The following WNT2 variants were observed in gnomAD, a reference collection of about 807,000 sequenced individuals.
WNT2 encodes the protein Wnt family member 2, also known as protein Wnt-2.
Under a neutral mutation model 36.9 loss-of-function variants are expected in WNT2, and 12 were observed. The ratio of observed to expected loss-of-function variants is 0.33; its 90% confidence interval spans 0.21 to 0.53. The LOEUF (loss-of-function observed/expected upper bound fraction) is 0.53. WNT2 is among the 20% of genes least tolerant of loss of function. WNT2 has a pLI of 0.95. For missense variants in WNT2, 379 were observed against 473.1 expected (o/e 0.80, Z 1.84); for synonymous variants, 163 against 174.6 (o/e 0.93, Z 0.52).
At chr7:117,280,049 G>A (rs1217868413) in intron 4 of WNT2, among the ~76,000 whole-genome samples, 1 of 152,050 alleles carries the variant, frequency 6.6e-6, no homozygotes, top group Non-Finnish European at 1.5e-5. Context: ...CAGGGCACGG[G>A]GTCAAGAAGA....
In WNT2 at chr7:117,322,772, G is replaced by C; in HGVS notation, c.83+135C>G. ...GGGGCTCACCATGGGGCGATAAGAGGGCAGTAGCCAGGGTTCGGGCCAGAA... is the reference window on the plus strand; with the variant it reads ...GGGGCTCACCATGGGGCGATAAGAGCGCAGTAGCCAGGGTTCGGGCCAGAA... On this transcript the variant is annotated intron_variant, in intron 1 of 4. Coordinates refer to ENST00000265441, the MANE Select transcript of WNT2 (RefSeq NM_003391.3). The surrounding 1 kb of genome is among the most constrained non-coding windows in gnomAD (Gnocchi z 5.4). 1 of 807,628 alleles carries C rather than the reference G, an allele frequency of 1.2e-6. No individual in the cohort carries two copies. Among genetic ancestry groups the C allele is most frequent in the Admixed American group, 2.0e-5 (1 of 49,730 alleles). The allele number at this position is 807,628 out of a possible 1,614,324, so 50.0% of individuals were successfully genotyped here. A position where few individuals can be genotyped will look rare whatever the true frequency, so the allele number is the denominator to read the frequency against.
chr7:117,307,122 T>C (rs960137916), intron 3 of WNT2, among the ~76,000 whole-genome samples: 2 of 152,126 alleles, frequency 1.3e-5, no homozygotes, highest in Non-Finnish European at 2.9e-5. Flanking sequence ...GACGCAGAAG[T>C]CTGTTTAAAA....
intron 4 of WNT2, among the ~76,000 whole-genome samples, chr7:117,286,376 G>T (rs896203632): frequency 1.3e-5 from 2 of 151,896 alleles, no homozygotes; most frequent in African/African-American, 2.4e-5. Context: ...TCTGGGACCC[G>T]GAGGAAGGGG....
intron 3 of WNT2, among the ~76,000 whole-genome samples, chr7:117,313,723 A>G (rs1795164851): frequency 6.6e-6 from 1 of 152,214 alleles, no homozygotes; most frequent in Non-Finnish European, 1.5e-5. Flanking sequence ...GTTAGGACAA[A>G]GGTCAGTGTA....
rs1394062378 is a variant in WNT2, at chr7:117,278,295, TGTC to T, written c.940_942del (p.Asp314del). On this transcript the variant is annotated inframe_deletion, in exon 5 of 5. Coordinates refer to ENST00000265441, the MANE Select transcript of WNT2 (RefSeq NM_003391.3). ...TTGGTCATCCGGGTGACATGGGAGG[TGTC>T]GTAGCCTCTCCCACAGCACATGACT... 1 of 1,614,066 alleles carries T rather than the reference TGTC, an allele frequency of 6.2e-7. No individual in the cohort carries two copies. The highest frequency in any genetic ancestry group is 8.5e-7 in the Non-Finnish European group (1 of 1,180,018).
In WNT2 at chr7:117,277,900, C is replaced by T; in HGVS notation, c.*255G>A. 5 of 517,162 alleles carry T rather than the reference C, an allele frequency of 9.7e-6. No homozygotes were observed. The South Asian group carries it at 1.1e-4, about 12-fold the overall frequency. 32.0% of individuals were successfully genotyped at this position (517,162 alleles called of 1,614,324 possible). A position where few individuals can be genotyped will look rare whatever the true frequency, so the allele number is the denominator to read the frequency against. On this transcript the variant is annotated 3_prime_UTR_variant, in exon 5 of 5. Transcript: ENST00000265441. The stretch of plus-strand genomic sequence containing the variant: ...CCTCCCGGCTGAACAGCCTGTCATG[C>T]TATTTCCAAAGAGAACTCGCCAGGA...
chr7:117,312,463 T>C (rs1367703102), intron 3 of WNT2, among the ~76,000 whole-genome samples: 2 of 152,236 alleles, frequency 1.3e-5, no homozygotes, highest in Non-Finnish European at 2.9e-5. Flanking sequence ...ATGGCAGATA[T>C]TGACCTTTTG....
Position 117,292,293 on chromosome 7 carries a change from TCA to T in WNT2, c.853+5317_853+5318del, listed in dbSNP as rs58179910. On this transcript the variant is annotated intron_variant, in intron 4 of 4. Transcript: ENST00000265441. ...ACACAGGACCTACTCCCAACCACACTCACACACACACACACACACACACACTG... is the reference window on the plus strand; with the variant it reads ...ACACAGGACCTACTCCCAACCACACTCACACACACACACACACACACACTG... Among the ~76,000 whole-genome samples the T allele has an allele frequency of 1.2e-3, 178 of 146,120 alleles. 1 individual carries two copies. The South Asian group carries it at 0.016, about 13-fold the overall frequency.
chr7:117,316,916 G>A (rs1795231420), intron 2 of WNT2, among the ~76,000 whole-genome samples: 1 of 152,130 alleles, frequency 6.6e-6, no homozygotes, highest in Non-Finnish European at 1.5e-5. Context: ...GTAAAAGAAG[G>A]CGACTAATAC....
intron 3 of WNT2, among the ~76,000 whole-genome samples, chr7:117,300,125 T>C (rs1794874552): frequency 6.6e-6 from 1 of 152,184 alleles, no homozygotes; most frequent in Non-Finnish European, 1.5e-5. Context: ...GGGCCAATCC[T>C]ATGATAGGAG....
At chr7:117,295,516 A>G (rs924021269) in intron 4 of WNT2, among the ~76,000 whole-genome samples, 4 of 152,244 alleles carry the variant, frequency 2.6e-5, no homozygotes, top group Non-Finnish European at 5.9e-5. Context: ...TCTATATTTC[A>G]TTGACAATAA....
intron 3 of WNT2, among the ~76,000 whole-genome samples, chr7:117,300,113 T>C (rs112869586): frequency 2.6e-5 from 4 of 152,306 alleles, no homozygotes; most frequent in African/African-American, 9.6e-5. Flanking sequence ...CTGATTCAGT[T>C]TGGGCCAATC....
At chr7:117,320,441 C>T (rs1179124374) in intron 2 of WNT2, 126 bp downstream of exon 2, 5 of 925,146 alleles carry the variant, frequency 5.4e-6, no homozygotes, top group East Asian at 5.3e-5. Context: ...GGGACAATGA[C>T]GCCCAACTGA....
In WNT2 at chr7:117,278,239, G is replaced by A. The variant is rs766120840; in HGVS notation, c.999C>T (p.Ala333=). Reference sequence around the variant, plus strand: ...CTTCCAGGCAGTCCTGACAGCGCACGGCGCAGCACCAGTGGAACTTACACC... The same window carrying A: ...CTTCCAGGCAGTCCTGACAGCGCACAGCGCAGCACCAGTGGAACTTACACC... ...KCGCKFHWCC[A]VRCQDCLEAL... Residue 333 remains alanine (A), a synonymous_variant, in exon 5 of 5, where the codon GCC becomes GCT. Transcript: ENST00000265441. The A allele has an allele frequency of 5.5e-5, 88 of 1,614,100 alleles. No homozygotes were observed. Among genetic ancestry groups the A allele is most frequent in the Admixed American group, 1.2e-4 (7 of 60,004 alleles).
intron 3 of WNT2, among the ~76,000 whole-genome samples, chr7:117,300,279 C>T (rs1330862723): frequency 1.3e-5 from 2 of 152,146 alleles, no homozygotes; most frequent in African/African-American, 4.8e-5. Context: ...CTATGCCTCC[C>T]TGGTTCAAGC....
rs369709491 is a variant in WNT2, at chr7:117,322,867, C to T, written c.83+40G>A. ...TATGTGGCCAATGCGGTCCCCATTC[C>T]GATCTCCAAAATCCCCCGCGCCCGT... is the stretch of plus-strand genomic sequence containing the variant. On this transcript the variant is annotated intron_variant, in intron 1 of 4. Transcript: ENST00000265441. The surrounding 1 kb of genome is among the most constrained non-coding windows in gnomAD (Gnocchi z 5.4). 1.9e-6 allele frequency: 3 copies of T among 1,591,126 alleles called. No individual in the cohort carries two copies. The highest frequency in any genetic ancestry group is 2.2e-5 in the South Asian group (2 of 90,580).
In WNT2 at chr7:117,277,907, CAA is replaced by C; in HGVS notation, c.*246_*247del. On this transcript the variant is annotated 3_prime_UTR_variant, in exon 5 of 5. Coordinates refer to ENST00000265441, the MANE Select transcript of WNT2 (RefSeq NM_003391.3). ...GCTGAACAGCCTGTCATGCTATTTC[CAA>C]AGAGAACTCGCCAGGAGGGGAGATG... 1 of 529,098 alleles carries C rather than the reference CAA, an allele frequency of 1.9e-6. No individual in the cohort carries two copies. The highest frequency in any genetic ancestry group is 3.2e-5 in the East Asian group (1 of 30,978). The allele number at this position is 529,098 out of a possible 1,614,324, so 32.8% of individuals were successfully genotyped here. A position where few individuals can be genotyped will look rare whatever the true frequency, so the allele number is the denominator to read the frequency against.
chr7:117,320,524 A>G (rs763717502), intron 2 of WNT2, 43 bp downstream of exon 2: 1 of 1,562,748 alleles, frequency 6.4e-7, no homozygotes, highest in Non-Finnish European at 8.8e-7. Context: ...GGAGCTGTGC[A>G]TGAGTGGAGA....
chr7:117,290,167 G>A (rs947067874), intron 4 of WNT2, among the ~76,000 whole-genome samples: 5 of 152,324 alleles, frequency 3.3e-5, no homozygotes, highest in Admixed American at 2.6e-4. Context: ...GACAGGGACA[G>A]CATTTAAAAC....
Sources: allele counts gnomAD v4.1 joint callset (sites outside exome capture counted in the v4.1 genomes callset), GRCh38; gene constraint gnomAD v4.1.1; non-coding constraint Gnocchi (gnomAD v3.1); transcripts MANE v1.5; gene names NCBI Gene and HGNC (gene_info 2026-07-23, HGNC 2026-07-21).